The following MYO1D variants were observed in gnomAD, a reference collection of about 807,000 sequenced individuals.
MYO1D encodes myosin ID, also known as unconventional myosin-Id.
A neutral mutation model predicts 122.0 loss-of-function variants in MYO1D; 83 were observed. The observed-to-expected ratio is 0.68, with a 90% CI of 0.57 to 0.82. The LOEUF (loss-of-function observed/expected upper bound fraction) is 0.82, where lower values mean the gene tolerates loss of function less well. Among genes scored for constraint, MYO1D ranks in the 40% least tolerant of loss-of-function variants. The probability of loss-of-function intolerance (pLI) is 0.00; values close to 1 mark genes in which losing one functional copy is unlikely to be tolerated. For synonymous variants in MYO1D, 464 were observed against 446.9 expected (o/e 1.04, Z -0.48); for missense variants, 1,157 against 1,269.5 (o/e 0.91, Z 1.35).
intron 16 of MYO1D, among the ~76,000 whole-genome samples, chr17:32,688,129 T>C (rs1025753924): frequency 6.6e-6 from 1 of 152,222 alleles, no homozygotes; most frequent in Non-Finnish European, 1.5e-5. Flanking sequence ...AACATTCATA[T>C]GCGCAACACC....
chr17:32,838,694 G>A (rs1014892243), intron 1 of MYO1D, among the ~76,000 whole-genome samples: 6 of 152,116 alleles, frequency 3.9e-5, no homozygotes, highest in Non-Finnish European at 7.4e-5. Context: ...CGGGGGCAAA[G>A]TGTTCAGATA....
At chr17:32,579,779 C>A (rs534956987) in intron 21 of MYO1D, among the ~76,000 whole-genome samples, 1 of 152,266 alleles carries the variant, frequency 6.6e-6, no homozygotes, top group African/African-American at 2.4e-5. Flanking sequence ...TTTCACCAGG[C>A]AAAATTATTT....
chr17:32,579,224 T>C (rs2087306309), intron 21 of MYO1D, among the ~76,000 whole-genome samples: 1 of 152,130 alleles, frequency 6.6e-6, no homozygotes, highest in Non-Finnish European at 1.5e-5. Context: ...TGTGCCACTA[T>C]ACCCAGGTAA....
chr17:32,509,651 C>A (rs115053707), intron 21 of MYO1D, among the ~76,000 whole-genome samples: 8 of 151,452 alleles, frequency 5.3e-5, no homozygotes, highest in African/African-American at 1.9e-4. Flanking sequence ...GTGGTGCGAT[C>A]GATTCCGGCT....
At chr17:32,568,327 C>T (rs1437329687) in intron 21 of MYO1D, among the ~76,000 whole-genome samples, 1 of 152,080 alleles carries the variant, frequency 6.6e-6, no homozygotes, top group Non-Finnish European at 1.5e-5. Context: ...ATCTTATAAC[C>T]AACATTTAGG....
At chr17:32,522,081 C>CAAAAAAAAAAAAAAAAAAAAAAAAAAA in intron 21 of MYO1D, among the ~76,000 whole-genome samples, 1 of 63,228 alleles carries the variant, frequency 1.6e-5, no homozygotes, top group Non-Finnish European at 2.8e-5. Context: ...GACTCTGTCT[C>CAAAAAAAAAAAAAAAAAAAAAAAAAAA]AAAAAAAAAA....
chr17:32,662,204 G>T (rs138868447), intron 16 of MYO1D, among the ~76,000 whole-genome samples: 1 of 152,070 alleles, frequency 6.6e-6, no homozygotes, highest in Non-Finnish European at 1.5e-5. Flanking sequence ...ACCGCCCCAC[G>T]CCCAGTAGCT....
chr17:32,601,462 T>G (rs1029129543), intron 21 of MYO1D, among the ~76,000 whole-genome samples: 1 of 152,144 alleles, frequency 6.6e-6, no homozygotes, highest in African/African-American at 2.4e-5. Flanking sequence ...ATGGGTACAG[T>G]TTGTGGTGCC....
chr17:32,535,270 A>T (rs1567880563), intron 21 of MYO1D, among the ~76,000 whole-genome samples: 1 of 152,234 alleles, frequency 6.6e-6, no homozygotes, highest in African/African-American at 2.4e-5. Flanking sequence ...TTTAAAGCAT[A>T]AAACTGAAAA....
chr17:32,609,390 C>T (rs540638739), intron 20 of MYO1D, among the ~76,000 whole-genome samples: 227 of 152,290 alleles, frequency 1.5e-3, no homozygotes, highest in African/African-American at 5.3e-3. Flanking sequence ...GACAGACGTG[C>T]AGAAGATGCT....
chr17:32,822,211 C>T (rs1019028655), intron 1 of MYO1D, among the ~76,000 whole-genome samples: 1 of 152,130 alleles, frequency 6.6e-6, no homozygotes, highest in Non-Finnish European at 1.5e-5. Flanking sequence ...AGGATGAGTT[C>T]ATGTCCTTTG....
chr17:32,637,185 A>C (rs2150938146), intron 20 of MYO1D, among the ~76,000 whole-genome samples: 1 of 152,334 alleles, frequency 6.6e-6, no homozygotes, highest in Non-Finnish European at 1.5e-5. Context: ...CTTAATAGAA[A>C]GCAAGGAAAA....
chr17:32,637,452 C>T (rs2088118441), intron 20 of MYO1D, among the ~76,000 whole-genome samples: 2 of 152,174 alleles, frequency 1.3e-5, no homozygotes, highest in Admixed American at 6.5e-5. Flanking sequence ...GGGTGGATCA[C>T]TTGAGGCCAG....
chr17:32,721,296 C>G (rs1254749477), intron 14 of MYO1D, 107 bp from the exon 15 acceptor site: 3 of 993,586 alleles, frequency 3.0e-6, no homozygotes, highest in Admixed American at 4.2e-5. Flanking sequence ...CTCAGTGCCT[C>G]TAATTTCTCA....
chr17:32,527,387 C>A (rs1910376404), intron 21 of MYO1D, among the ~76,000 whole-genome samples: 1 of 152,216 alleles, frequency 6.6e-6, no homozygotes, highest in South Asian at 2.1e-4. Flanking sequence ...GAGGCACTGC[C>A]AGGCCCTGTG....
At chr17:32,874,658 C>T (rs1412696605) in intron 1 of MYO1D, among the ~76,000 whole-genome samples, 3 of 152,134 alleles carry the variant, frequency 2.0e-5, no homozygotes, top group Non-Finnish European at 4.4e-5. Context: ...CATGGTGGCT[C>T]ACACCTATAA....
chr17:32,762,663 C>A (rs560348521), intron 8 of MYO1D, among the ~76,000 whole-genome samples: 1 of 152,190 alleles, frequency 6.6e-6, no homozygotes, highest in South Asian at 2.1e-4. Flanking sequence ...CACCTGAGGT[C>A]AGGAGTTTGA....
In MYO1D at chr17:32,722,681, A is replaced by G. The variant is rs995299026; in HGVS notation, c.1747-1492T>C. ...CCTTAATTCCACCTTGCCACAGCAC[A>G]TATCATGTTCATAGGTTCTGGGGAT... is the stretch of plus-strand genomic sequence containing the variant. On this transcript the variant is annotated intron_variant, in intron 14 of 21. Transcript: ENST00000318217. 7.4e-4 allele frequency among the ~76,000 whole-genome samples: 113 copies of G among 152,194 alleles called. 3 individuals are homozygous for G. Among genetic ancestry groups the G allele is most frequent in the Non-Finnish European group, 1.3e-4 (9 of 68,030 alleles).
chr17:32,503,360 C>T (rs543232869), intron 21 of MYO1D, among the ~76,000 whole-genome samples: 9 of 152,340 alleles, frequency 5.9e-5, no homozygotes, highest in South Asian at 4.1e-4. Context: ...TGTCATTCGC[C>T]GACCTGCCCT....
Sources: allele counts gnomAD v4.1 joint callset (sites outside exome capture counted in the v4.1 genomes callset), GRCh38; gene constraint gnomAD v4.1.1; transcripts MANE v1.5; gene names NCBI Gene and HGNC (gene_info 2026-07-23, HGNC 2026-07-21).